The following CCNH variants were observed in gnomAD, a reference collection of about 807,000 sequenced individuals.
CCNH encodes cyclin H.
CCNH carries 31 observed loss-of-function variants against 41.9 expected under a neutral mutation model. The observed-to-expected ratio is 0.74, with a 90% CI of 0.56 to 1.00. The LOEUF is 1.00. CCNH is among the 50% of genes least tolerant of loss of function. CCNH has a pLI of 0.00. For missense variants in CCNH, 362 were observed against 388.4 expected, an observed-to-expected ratio of 0.93 and a Z score of 0.57; for synonymous variants, 138 against 136.1, an observed-to-expected ratio of 1.01 and a Z score of -0.10.
chr5:87,326,004 C>CT (rs1406380809), intron 9 of CCNH, among the ~76,000 whole-genome samples: 1 of 152,092 alleles, frequency 6.6e-6, no homozygotes, highest in Non-Finnish European at 1.5e-5. Flanking sequence ...CAGGGTCTCT[C>CT]TCTGTTGCCC....
At chr5:87,391,043 A>AACTATGCCAGCAACCTTGTAAGCTAT, downstream of CCNH, 1 of 748,526 alleles carries the variant, frequency 1.3e-6, no homozygotes, top group Non-Finnish European at 2.4e-6. Flanking sequence ...GCTGGTGAAT[A>AACTATGCCAGCAACCTTGTAAGCTAT]ACTATGCCAG....
downstream of CCNH, chr5:87,374,860 A>G (rs775854094): frequency 3.7e-6 from 6 of 1,609,846 alleles, no homozygotes; most frequent in Middle Eastern, 1.7e-4. Context: ...CCTGACATCA[A>G]TAGATTTGAA....
At chr5:87,354,459 G>A (rs557866384) in intron 9 of CCNH, among the ~76,000 whole-genome samples, 1 of 152,010 alleles carries the variant, frequency 6.6e-6, no homozygotes, top group East Asian at 1.9e-4. Flanking sequence ...ATTGTTTTGG[G>A]GTGCCATGAA....
At chr5:87,368,250 A>T (rs1267661517) in intron 9 of CCNH, among the ~76,000 whole-genome samples, 1 of 152,110 alleles carries the variant, frequency 6.6e-6, no homozygotes, top group East Asian at 1.9e-4. Flanking sequence ...TTCTGCAGTT[A>T]AATCCACTTT....
intron 7 of CCNH, among the ~76,000 whole-genome samples, chr5:87,397,307 C>A (rs1763045717): frequency 6.6e-6 from 1 of 151,840 alleles, no homozygotes; most frequent in Non-Finnish European, 1.5e-5. Context: ...TTACAGGCAC[C>A]CACCACCACG....
chr5:87,385,168 A>C (rs1344101306), intron 9 of CCNH: 4 of 692,352 alleles, frequency 5.8e-6, no homozygotes, highest in Non-Finnish European at 1.0e-5. Context: ...TTTTCCAAAA[A>C]CATTCTGAGT....
intron 9 of CCNH, chr5:87,349,271 C>G: frequency 6.2e-7 from 1 of 1,612,082 alleles, no homozygotes; most frequent in Non-Finnish European, 8.5e-7. Context: ...GGCGATTATT[C>G]ACTTTATTTC....
At chr5:87,324,535 C>G (rs1340185794) in intron 9 of CCNH, among the ~76,000 whole-genome samples, 1 of 152,042 alleles carries the variant, frequency 6.6e-6, no homozygotes, top group African/African-American at 2.4e-5. Flanking sequence ...AATGCTCTCT[C>G]GAAACTAAAA....
At chr5:87,383,799 A>G in intron 9 of CCNH, 1 of 1,587,252 alleles carries the variant, frequency 6.3e-7, no homozygotes, top group Non-Finnish European at 8.6e-7. Flanking sequence ...CTTTTGATAC[A>G]TTTTGAAATT....
chr5:87,385,697 C>T (rs564262562), intron 9 of CCNH, among the ~76,000 whole-genome samples: 46 of 152,064 alleles, frequency 3.0e-4, no homozygotes, highest in African/African-American at 1.0e-3. Context: ...AAATTTATTT[C>T]ACAAACATTC....
intron 9 of CCNH, among the ~76,000 whole-genome samples, chr5:87,384,376 T>C (rs544694879): frequency 6.6e-6 from 1 of 152,156 alleles, no homozygotes; most frequent in Non-Finnish European, 1.5e-5. Flanking sequence ...AACAGGGATA[T>C]TTGTGACTTT....
chr5:87,380,861 T>C (rs1761664189), upstream of CCNH, among the ~76,000 whole-genome samples: 1 of 152,194 alleles, frequency 6.6e-6, no homozygotes, highest in African/African-American at 2.4e-5. Flanking sequence ...CTAAAAGTTA[T>C]ATAACAAAAT....
At chr5:87,380,805 AT>A (rs1321979866), upstream of CCNH, among the ~76,000 whole-genome samples, 5 of 152,174 alleles carry the variant, frequency 3.3e-5, no homozygotes, top group African/African-American at 1.2e-4. Flanking sequence ...ATGAACATTC[AT>A]TTATAGTCAA....
chr5:87,384,197 C>T (rs1336354997), intron 9 of CCNH, among the ~76,000 whole-genome samples: 3 of 152,098 alleles, frequency 2.0e-5, no homozygotes, highest in East Asian at 3.9e-4. Context: ...TCTGTGAGTA[C>T]TTATGAAGAA....
At chr5:87,344,167 T>C (rs1336846197) in intron 9 of CCNH, among the ~76,000 whole-genome samples, 1 of 152,066 alleles carries the variant, frequency 6.6e-6, no homozygotes, top group East Asian at 1.9e-4. Context: ...TATTTAAAAA[T>C]AACTAAAAGA....
chr5:87,362,725 A>C, intron 9 of CCNH: 1 of 1,557,080 alleles, frequency 6.4e-7, no homozygotes, highest in East Asian at 2.3e-5. Context: ...GTAAATATGG[A>C]GCTCCGAACT....
intron 9 of CCNH, among the ~76,000 whole-genome samples, chr5:87,332,052 G>A (rs1056843493): frequency 3.3e-5 from 5 of 152,024 alleles, no homozygotes; most frequent in African/African-American, 1.2e-4. Flanking sequence ...AAATGTTTGT[G>A]TACCCTTGGT....
intron 9 of CCNH, among the ~76,000 whole-genome samples, chr5:87,350,427 TG>T (rs1759178561): frequency 6.6e-6 from 1 of 151,890 alleles, no homozygotes; most frequent in Non-Finnish European, 1.5e-5. Context: ...AATAATGCAC[TG>T]AAAATATATC....
downstream of CCNH, among the ~76,000 whole-genome samples, chr5:87,375,907 G>A (rs1761290798): frequency 6.6e-6 from 1 of 152,136 alleles, no homozygotes; most frequent in African/African-American, 2.4e-5. Flanking sequence ...AAACCCCATA[G>A]TAATGACACA....
Sources: allele counts gnomAD v4.1 joint callset (sites outside exome capture counted in the v4.1 genomes callset), GRCh38; gene constraint gnomAD v4.1.1; transcripts MANE v1.5; gene names NCBI Gene and HGNC (gene_info 2026-07-23, HGNC 2026-07-21).